Variants in RIPOR2 observed in about 807,000 individuals in gnomAD.
The protein encoded by RIPOR2 is rho family-interacting cell polarization regulator 2.
A neutral mutation model predicts 114.5 loss-of-function variants in RIPOR2; 39 were observed. The ratio of observed to expected loss-of-function variants is 0.34; its 90% confidence interval spans 0.26 to 0.44. The LOEUF (loss-of-function observed/expected upper bound fraction) is 0.44. RIPOR2 is among the 20% of genes least tolerant of loss of function. The pLI is 1.00. For missense variants in RIPOR2, 1,007 were observed against 1,255.1 expected, an observed-to-expected ratio of 0.80 and a Z score of 2.99; for synonymous variants, 445 against 484.4, an observed-to-expected ratio of 0.92 and a Z score of 1.07.
intron 1 of RIPOR2, among the ~76,000 whole-genome samples, chr6:24,914,299 G>A (rs185802116): frequency 1.3e-5 from 2 of 152,228 alleles, no homozygotes; most frequent in East Asian, 3.9e-4. Context: ...TTACGTCACT[G>A]CGCCTCCAGC....
At chr6:24,857,129 T>C (rs1462040516) in intron 8 of RIPOR2, among the ~76,000 whole-genome samples, 1 of 152,200 alleles carries the variant, frequency 6.6e-6, no homozygotes, top group Non-Finnish European at 1.5e-5. Flanking sequence ...TTCTATCTGC[T>C]GTGTAAGCCA....
chr6:25,013,683 C>T lies in RIPOR2; in HGVS notation c.76+28168G>A, dbSNP rs372959396. On this transcript the variant is annotated intron_variant, in intron 1 of 13. Coordinates refer to the RIPOR2 transcript ENST00000510784. ...AAAACATCTGTGGGCTGATATACTA[C>T]AAGTTTGTGACCTGGGCCTATAGGG... Among the ~76,000 whole-genome samples, 9 of 152,294 alleles carry T rather than the reference C, an allele frequency of 5.9e-5. 1 individual carries two copies. The highest frequency in any genetic ancestry group is 3.9e-4 in the Admixed American group (6 of 15,298).
At chr6:24,985,573 T>C (rs1340781528) in intron 1 of RIPOR2, among the ~76,000 whole-genome samples, 1 of 152,154 alleles carries the variant, frequency 6.6e-6, no homozygotes, top group Non-Finnish European at 1.5e-5. Flanking sequence ...TGACATGTTC[T>C]TCATGAGGTG....
chr6:24,856,764 A>G (rs1763513625), intron 8 of RIPOR2, among the ~76,000 whole-genome samples: 1 of 152,004 alleles, frequency 6.6e-6, no homozygotes, highest in South Asian at 2.1e-4. Context: ...CAAAAACAAA[A>G]CAAAACCTCT....
chr6:24,943,376 G>C (rs557960174), intron 1 of RIPOR2, among the ~76,000 whole-genome samples: 3 of 152,114 alleles, frequency 2.0e-5, no homozygotes, highest in African/African-American at 7.2e-5. Context: ...AGCATTAGGA[G>C]ATACACCTAA....
At chr6:24,974,109 G>T (rs760833503) in intron 1 of RIPOR2, among the ~76,000 whole-genome samples, 46 of 152,206 alleles carry the variant, frequency 3.0e-4, no homozygotes, top group Non-Finnish European at 4.4e-4. Context: ...AGTTGTGTTG[G>T]GTGGTGGCTC....
chr6:24,917,811 G>T (rs942756192), intron 1 of RIPOR2, among the ~76,000 whole-genome samples: 1 of 152,196 alleles, frequency 6.6e-6, no homozygotes, highest in Non-Finnish European at 1.5e-5. Context: ...TTATAGGCGT[G>T]AGCCACCACG....
chr6:24,927,021 AC>A (rs768243441), intron 1 of RIPOR2, among the ~76,000 whole-genome samples: 262 of 1,812 alleles, frequency 0.14, 59 homozygotes, highest in East Asian at 0.83. Flanking sequence ...CACCACCACC[AC>A]CATGATTATT....
chr6:25,031,700 TATATA>T (rs1254251130), intron 1 of RIPOR2, among the ~76,000 whole-genome samples: 8 of 1,470 alleles, frequency 5.4e-3, no homozygotes, highest in African/African-American at 0.01. Context: ...AGGTGGTAGT[TATATA>T]TATATATATA....
At chr6:24,961,006 A>G (rs1010573079) in intron 1 of RIPOR2, among the ~76,000 whole-genome samples, 2 of 152,168 alleles carry the variant, frequency 1.3e-5, no homozygotes, top group African/African-American at 2.4e-5. Flanking sequence ...TTTTGCTCCT[A>G]CTTATCACTG....
At chr6:24,976,375 G>A (rs1197625336) in intron 1 of RIPOR2, 1 of 1,217,248 alleles carries the variant, frequency 8.2e-7, no homozygotes, top group Non-Finnish European at 1.2e-6. Flanking sequence ...ACGAGAAAAG[G>A]CTTTGCAGAC....
chr6:24,979,811 C>T (rs578072311), intron 1 of RIPOR2, among the ~76,000 whole-genome samples: 35 of 152,328 alleles, frequency 2.3e-4, no homozygotes, highest in African/African-American at 8.2e-4. Context: ...GGGTTCAAAT[C>T]TCCATTTAAC....
intron 17 of RIPOR2, 57 bp downstream of exon 17, chr6:24,830,452 C>A (rs79868980): frequency 1.4e-6 from 2 of 1,464,574 alleles, no homozygotes; most frequent in African/African-American, 2.8e-5. Context: ...GACCCCCACC[C>A]CAATGCCCAC....
intron 20 of RIPOR2, among the ~76,000 whole-genome samples, chr6:24,811,139 T>G (rs1453202294): frequency 6.6e-6 from 1 of 151,188 alleles, no homozygotes; most frequent in African/African-American, 2.4e-5. Flanking sequence ...CATTAACTTT[T>G]TCTTTTGAGG....
At chr6:24,936,021 A>G, upstream of RIPOR2, 1 of 672,720 alleles carries the variant, frequency 1.5e-6, no homozygotes, top group Non-Finnish European at 2.6e-6. Flanking sequence ...CAGCTTCCGC[A>G]TCTGCCCTGA....
intron 1 of RIPOR2, among the ~76,000 whole-genome samples, chr6:25,029,313 A>T (rs1225879203): frequency 6.7e-6 from 1 of 148,302 alleles, no homozygotes; most frequent in Non-Finnish European, 1.5e-5. Context: ...AAGGCAGGAG[A>T]ATGGCGTGAA....
intron 1 of RIPOR2, among the ~76,000 whole-genome samples, chr6:24,893,807 G>T (rs1347300648): frequency 6.6e-6 from 1 of 152,134 alleles, no homozygotes; most frequent in Non-Finnish European, 1.5e-5. Context: ...CTATCATCTG[G>T]TTTATAGGGA....
At chr6:25,034,692 C>CT (rs991190921) in intron 1 of RIPOR2, among the ~76,000 whole-genome samples, 21 of 152,134 alleles carry the variant, frequency 1.4e-4, no homozygotes, top group Non-Finnish European at 2.8e-4. Context: ...GTTTCATTTT[C>CT]TTTTTTATGT....
Position 24,976,894 on chromosome 6 carries a change from T to A in RIPOR2, c.76+64957A>T, listed in dbSNP as rs1581901994. On this transcript the variant is annotated intron_variant, in intron 1 of 13. Transcript: ENST00000510784. Reference sequence around the variant, plus strand: ...TTGGCAAAGTGAAAGAAGGCATGAATATTGTGGAGGCCATGGAGCGCTTTG... The same window carrying A: ...TTGGCAAAGTGAAAGAAGGCATGAAAATTGTGGAGGCCATGGAGCGCTTTG... 1.9e-6 allele frequency: 3 copies of A among 1,606,472 alleles called. No homozygotes were observed. The South Asian group carries it at 3.3e-5, about 18-fold the overall frequency.
Sources: allele counts gnomAD v4.1 joint callset (sites outside exome capture counted in the v4.1 genomes callset), GRCh38; gene constraint gnomAD v4.1.1; transcripts MANE v1.5; gene names NCBI Gene and HGNC (gene_info 2026-07-23, HGNC 2026-07-21).